RAB11FIP1: variants seen among roughly 807,000 people sequenced by gnomAD.
The protein encoded by RAB11FIP1 is RAB11 family interacting protein 1, also known as rab11 family-interacting protein 1.
A neutral mutation model predicts 83.1 loss-of-function variants in RAB11FIP1; 49 were observed. The ratio of observed to expected loss-of-function variants is 0.59; its 90% CI spans 0.47 to 0.75. The LOEUF is 0.75. Ranked by LOEUF, RAB11FIP1 falls within the 30% of genes least tolerant of loss-of-function variation. The pLI is 0.00. For synonymous variants in RAB11FIP1, 670 were observed against 656.0 expected (o/e 1.02, Z -0.33); for missense variants, 1,536 against 1,598.7 (o/e 0.96, Z 0.67).
intron 1 of RAB11FIP1, among the ~76,000 whole-genome samples, chr8:37,890,305 C>T (rs2130189060): frequency 6.6e-6 from 1 of 152,266 alleles, no homozygotes; most frequent in Middle Eastern, 3.4e-3. Flanking sequence ...ATTGTTCTAC[C>T]TAGACGCTAG....
intron 1 of RAB11FIP1, among the ~76,000 whole-genome samples, chr8:37,898,420 C>T (rs920963633): frequency 1.5e-4 from 23 of 151,088 alleles, no homozygotes; most frequent in Non-Finnish European, 2.8e-4. Context: ...TTTGGGAGGC[C>T]GAGGTGGGTG....
rs1434337629 is a variant in RAB11FIP1 at position 37,861,036 on chromosome 8, A to C, written c.*1859T>G. The C allele has an allele frequency of 6.6e-6, 1 of 152,580 alleles. No individual in the cohort carries two copies. Among genetic ancestry groups the C allele is most frequent in the Non-Finnish European group, 1.5e-5 (1 of 68,352 alleles). 9.5% of individuals were successfully genotyped at this position (152,580 alleles called of 1,614,324 possible). A position where few individuals can be genotyped will look rare whatever the true frequency, so the allele number is the denominator to read the frequency against. ...GCCTGTGATATTCTTCCCCTAGGAG[A>C]GATGTCAAGATTAGATGAGATTCTA... On this transcript the variant is annotated 3_prime_UTR_variant, in exon 6 of 6. Transcript: ENST00000330843.
intron 1 of RAB11FIP1, among the ~76,000 whole-genome samples, chr8:37,895,194 T>C (rs112810179): frequency 0.013 from 1,399 of 105,178 alleles, 45 homozygotes; most frequent in African/African-American, 0.046. Flanking sequence ...GCCTCCGGAA[T>C]AGCTGGGACT....
chr8:37,884,265 A>T (rs1806781977), intron 1 of RAB11FIP1, among the ~76,000 whole-genome samples: 1 of 152,130 alleles, frequency 6.6e-6, no homozygotes, highest in Admixed American at 6.6e-5. Flanking sequence ...GGGTTTCACC[A>T]TCTTGGCCAG....
chr8:37,878,768 G>C (rs543514590), intron 1 of RAB11FIP1, among the ~76,000 whole-genome samples: 3 of 151,366 alleles, frequency 2.0e-5, no homozygotes, highest in Non-Finnish European at 2.9e-5. Context: ...GGGAGCCTGA[G>C]GCAGGAGGAT....
intron 1 of RAB11FIP1, among the ~76,000 whole-genome samples, chr8:37,886,339 T>C (rs560619418): frequency 7.2e-5 from 11 of 152,146 alleles, no homozygotes; most frequent in Non-Finnish European, 1.0e-4. Context: ...ATGACTCACA[T>C]ACAAATAAGG....
chr8:37,871,345 C>A lies in RAB11FIP1; in HGVS notation c.3457G>T (p.Val1153Phe), dbSNP rs777316777. ...GKRKPLLQAW[V>F]SPSETHPVSA... is the part of the protein sequence containing the mutation. ...ACTGGATGTGTCTCCGAGGGTGAGA[C>A]CCAGGCCTGGAGGAGTGGCTTCCTC... Residue 1153 changes from valine (V) to phenylalanine (F), a missense_variant, in exon 4 of 6, where the codon GTC becomes TTC. Transcript: ENST00000330843. 6.2e-7 allele frequency: 1 copy of A among 1,614,016 alleles called. No homozygotes were observed. The highest frequency in any genetic ancestry group is 8.5e-7 in the Non-Finnish European group (1 of 1,179,996).
Position 37,863,060 on chromosome 8 carries a change from C to T in RAB11FIP1, c.3687G>A (p.Glu1229=), listed in dbSNP as rs769806538. 2.0e-5 allele frequency: 33 copies of T among 1,612,824 alleles called. No homozygotes were observed. Among genetic ancestry groups the T allele is most frequent in the Non-Finnish European group, 2.6e-5 (31 of 1,180,014 alleles). ...TCTGTTTGAGGACCAGCTGAATCAG[C>T]TCATCGTGGGTCAGCTGCGCATATG... is the stretch of plus-strand genomic sequence containing the variant. ...AFAYAQLTHD[E]LIQLVLKQKE... The change falls in exon 6 of 6, where the codon GAG becomes GAA. Residue 1229 remains glutamate, a synonymous_variant. Coordinates refer to ENST00000330843, the MANE Select transcript of RAB11FIP1 (RefSeq NM_001002814.3).
Position 37,899,178 on chromosome 8 carries a change from C to T in RAB11FIP1, c.264G>A (p.Leu88=), listed in dbSNP as rs761755903. ...GCGCGCGGTGCAGCACGGTGAGCTG[C>T]AGGGTGGCGGCGGCCGCGGGTCCGG... ...LSSGPAAAAT[L]QLTVLHRALL... Residue 88 remains leucine, a synonymous_variant, in exon 1 of 6, where the codon CTG becomes CTA. Coordinates refer to ENST00000330843, the MANE Select transcript of RAB11FIP1 (RefSeq NM_001002814.3). This position sits in a 1 kb window ranked among gnomAD's most constrained non-coding sequence, Gnocchi z 4.5. 6.4e-7 allele frequency: 1 copy of T among 1,560,960 alleles called. No homozygotes were observed. Among genetic ancestry groups the T allele is most frequent in the South Asian group, 1.2e-5 (1 of 86,498 alleles).
intron 1 of RAB11FIP1, among the ~76,000 whole-genome samples, chr8:37,879,721 A>G (rs1244195232): frequency 6.6e-6 from 1 of 152,084 alleles, no homozygotes; most frequent in Non-Finnish European, 1.5e-5. Context: ...CATCTCTACT[A>G]AAAATACAAA....
intron 1 of RAB11FIP1, among the ~76,000 whole-genome samples, chr8:37,881,614 G>A (rs1311116572): frequency 1.3e-5 from 2 of 152,206 alleles, no homozygotes; most frequent in South Asian, 4.1e-4. Context: ...ACCCTTAGGA[G>A]ACAAATCTTT....
At chr8:37,876,438 A>T (rs912389169) in intron 2 of RAB11FIP1, among the ~76,000 whole-genome samples, 11 of 151,242 alleles carry the variant, frequency 7.3e-5, no homozygotes, top group East Asian at 3.9e-4. Context: ...TAAAAAAAAA[A>T]TTTTTTTTAA....
rs1806183023 is a variant in RAB11FIP1 at position 37,859,146 on chromosome 8, C to A, written c.*3749G>T. On this transcript the variant is annotated 3_prime_UTR_variant, in exon 6 of 6. Transcript: ENST00000330843. The stretch of plus-strand genomic sequence containing the variant: ...AGCTCACACAGTAGATATGGAGACA[C>A]CATATGGAGATACGGAGTTAAGTTT... 6.6e-6 allele frequency: 1 copy of A among 151,692 alleles called. No homozygotes were observed. The highest frequency in any genetic ancestry group is 2.1e-4 in the South Asian group (1 of 4,832). The allele number at this position is 151,692 out of a possible 1,614,324, so 9.4% of individuals were successfully genotyped here.
At chr8:37,864,931 C>CTT (rs10544799) in intron 5 of RAB11FIP1, among the ~76,000 whole-genome samples, 1 of 145,562 alleles carries the variant, frequency 6.9e-6, no homozygotes, top group Non-Finnish European at 1.5e-5. Context: ...TACTTAATGC[C>CTT]TTTTTTTTTT....
chr8:37,893,222 A>C (rs1025627439), intron 1 of RAB11FIP1, among the ~76,000 whole-genome samples: 4 of 151,892 alleles, frequency 2.6e-5, no homozygotes, highest in Non-Finnish European at 5.9e-5. Flanking sequence ...TTACAGGTGC[A>C]CACGACCACA....
rs1205519452 is a variant in RAB11FIP1, at chr8:37,862,052, G to A, written c.*843C>T. On this transcript the variant is annotated 3_prime_UTR_variant, in exon 6 of 6. Coordinates refer to ENST00000330843, the MANE Select transcript of RAB11FIP1 (RefSeq NM_001002814.3). ...TGGAGAACTGTATTAGCGAGTGCGT[G>A]GACCACCCAATCCCCTAGCAAAGCG... is the stretch of plus-strand genomic sequence containing the variant. 1 of 155,146 alleles carries A rather than the reference G, an allele frequency of 6.4e-6. No homozygotes were observed. Among genetic ancestry groups the A allele is most frequent in the Non-Finnish European group, 1.4e-5 (1 of 69,750 alleles). The allele number at this position is 155,146 out of a possible 1,614,324, so 9.6% of individuals were successfully genotyped here. A position where few individuals can be genotyped will look rare whatever the true frequency, so the allele number is the denominator to read the frequency against.
intron 1 of RAB11FIP1, among the ~76,000 whole-genome samples, chr8:37,881,668 T>C (rs952527923): frequency 2.0e-5 from 3 of 151,032 alleles, no homozygotes; most frequent in African/African-American, 7.3e-5. Context: ...AGGCGGGGAG[T>C]GGTGGGTGTT....
chr8:37,868,251 G>A (rs1051221957), intron 5 of RAB11FIP1, among the ~76,000 whole-genome samples: 1 of 151,958 alleles, frequency 6.6e-6, no homozygotes, highest in Middle Eastern at 3.2e-3. Context: ...GCAAAACCCC[G>A]TCTCTACTAA....
At chr8:37,863,807 G>A (rs1336179171) in intron 5 of RAB11FIP1, among the ~76,000 whole-genome samples, 1 of 152,206 alleles carries the variant, frequency 6.6e-6, no homozygotes, top group Non-Finnish European at 1.5e-5. Flanking sequence ...GCCATCATGG[G>A]AGGACTCAGT....
Sources: allele counts gnomAD v4.1 joint callset (sites outside exome capture counted in the v4.1 genomes callset), GRCh38; gene constraint gnomAD v4.1.1; non-coding constraint Gnocchi (gnomAD v3.1); transcripts MANE v1.5; gene names NCBI Gene and HGNC (gene_info 2026-07-23, HGNC 2026-07-21).